Variants in SLC44A5 observed in about 807,000 individuals in gnomAD.
The protein encoded by SLC44A5 is choline transporter-like protein 5.
In SLC44A5, 57 loss-of-function variants were observed where a neutral mutation model predicts 101.8. The ratio of observed to expected loss-of-function variants is 0.56; its 90% CI spans 0.45 to 0.70. SLC44A5 has a LOEUF of 0.70. Among genes scored for constraint, SLC44A5 ranks in the 30% least tolerant of loss-of-function variants. The pLI, the probability that SLC44A5 is intolerant of heterozygous loss-of-function variation, is 0.00. For missense variants in SLC44A5, 737 were observed against 853.1 expected (o/e 0.86, Z 1.70); for synonymous variants, 281 against 290.9 (o/e 0.97, Z 0.35).
intron 17 of SLC44A5, 34 bp downstream of exon 17, chr1:75,218,456 A>T: frequency 6.2e-7 from 1 of 1,610,142 alleles, no homozygotes; most frequent in South Asian, 1.1e-5. Flanking sequence ...AATGTAACTG[A>T]CAAGATAGGT....
chr1:75,339,969 C>T (rs1312534782), intron 3 of SLC44A5, among the ~76,000 whole-genome samples: 1 of 152,234 alleles, frequency 6.6e-6, no homozygotes, highest in East Asian at 1.9e-4. Context: ...TACCATCTTC[C>T]ATCACCAAGT....
chr1:75,253,177 A>G (rs1649724832), intron 6 of SLC44A5, among the ~76,000 whole-genome samples: 1 of 152,160 alleles, frequency 6.6e-6, no homozygotes, highest in Non-Finnish European at 1.5e-5. Context: ...TTCTCTTTCC[A>G]TCCCTCACAG....
chr1:75,352,324 C>T (rs1313783455), intron 3 of SLC44A5, among the ~76,000 whole-genome samples: 1 of 152,036 alleles, frequency 6.6e-6, no homozygotes, highest in Non-Finnish European at 1.5e-5. Context: ...AGTCCAGCAT[C>T]CCTTAGCTAT....
chr1:75,246,723 A>G (rs1649138900), intron 7 of SLC44A5, among the ~76,000 whole-genome samples: 1 of 152,042 alleles, frequency 6.6e-6, no homozygotes, highest in African/African-American at 2.4e-5. Context: ...CTCACTAAGA[A>G]GGTAACATTT....
chr1:75,607,254 A>T (rs1675374737), intron 1 of SLC44A5, among the ~76,000 whole-genome samples: 1 of 152,026 alleles, frequency 6.6e-6, no homozygotes, highest in Non-Finnish European at 1.5e-5. Flanking sequence ...ACTGTGCATT[A>T]ATCCATCACT....
chr1:75,452,630 ATCTG>A (rs1665968823), intron 2 of SLC44A5, among the ~76,000 whole-genome samples: 1 of 152,212 alleles, frequency 6.6e-6, no homozygotes, highest in South Asian at 2.1e-4. Flanking sequence ...AACCAGACAC[ATCTG>A]TCTATTACCT....
intron 3 of SLC44A5, among the ~76,000 whole-genome samples, chr1:75,364,226 G>C (rs1659700068): frequency 6.6e-6 from 1 of 152,050 alleles, no homozygotes. Context: ...ACCTGAGACT[G>C]GGTAATTTAT....
chr1:75,539,104 C>T (rs1011431900), intron 2 of SLC44A5, among the ~76,000 whole-genome samples: 1 of 152,182 alleles, frequency 6.6e-6, no homozygotes, highest in African/African-American at 2.4e-5. Context: ...AGTCTATCCC[C>T]TGACGAATTC....
chr1:75,508,083 A>G (rs144840073), intron 2 of SLC44A5, among the ~76,000 whole-genome samples: 1 of 152,314 alleles, frequency 6.6e-6, no homozygotes, highest in Non-Finnish European at 1.5e-5. Flanking sequence ...TCATCTACAC[A>G]TGAAACATAC....
intron 3 of SLC44A5, among the ~76,000 whole-genome samples, chr1:75,340,913 G>C (rs961454698): frequency 6.6e-6 from 1 of 152,172 alleles, no homozygotes; most frequent in Non-Finnish European, 1.5e-5. Context: ...TGGTCCTAAT[G>C]GCATTTATCT....
intron 2 of SLC44A5, among the ~76,000 whole-genome samples, chr1:75,499,342 C>A (rs1668831767): frequency 6.6e-6 from 1 of 152,184 alleles, no homozygotes. Context: ...CTCGCACGTG[C>A]AGTTCACAAC....
chr1:75,206,599 G>A, intron 23 of SLC44A5: 1 of 1,541,980 alleles, frequency 6.5e-7, no homozygotes, highest in Non-Finnish European at 9.0e-7. Flanking sequence ...ACACTGTTTG[G>A]AGCTTTTCTA....
chr1:75,330,262 C>T (rs1235693768), intron 4 of SLC44A5, among the ~76,000 whole-genome samples: 2 of 151,558 alleles, frequency 1.3e-5, no homozygotes, highest in Non-Finnish European at 2.9e-5. Flanking sequence ...ATGTGTGCTG[C>T]ATATTTTCTC....
At chr1:75,642,152 A>T in the SLC44A5 span, 10 of 777,710 alleles carry the variant, frequency 1.3e-5, no homozygotes, top group South Asian at 1.7e-4. Context: ...GTAAATAAAT[A>T]GCATCAGAAG....
At chr1:75,243,885 G>A (rs111716843) in intron 7 of SLC44A5, among the ~76,000 whole-genome samples, 33 of 152,122 alleles carry the variant, frequency 2.2e-4, no homozygotes, top group African/African-American at 7.7e-4. Flanking sequence ...GATCCTCCTT[G>A]TTCTTGTGAT....
intron 1 of SLC44A5, among the ~76,000 whole-genome samples, chr1:75,604,217 A>C (rs1675185556): frequency 6.6e-6 from 1 of 152,054 alleles, no homozygotes; most frequent in Non-Finnish European, 1.5e-5. Flanking sequence ...GTCCAGTTTC[A>C]TTCTTCTGCA....
At chr1:75,240,146 C>T (rs1232177086) in intron 9 of SLC44A5, among the ~76,000 whole-genome samples, 5 of 152,062 alleles carry the variant, frequency 3.3e-5, no homozygotes, top group Non-Finnish European at 5.9e-5. Flanking sequence ...GTCCTTCCAC[C>T]TACAGTGTAC....
At chr1:75,472,698 T>C (rs1394851439) in intron 2 of SLC44A5, among the ~76,000 whole-genome samples, 1 of 152,172 alleles carries the variant, frequency 6.6e-6, no homozygotes, top group Non-Finnish European at 1.5e-5. Context: ...ATTCCCTCAC[T>C]GAAAGGTTAG....
rs1245447732 is a variant in SLC44A5, at chr1:75,202,235, C to T, written c.*1492G>A. The stretch of plus-strand genomic sequence containing the variant: ...AATTATCAAAGATATTTAGACAATA[C>T]GTTTCTAACATTTCTGCACAGCAGA... On this transcript the variant is annotated 3_prime_UTR_variant, in exon 24 of 24. Coordinates refer to ENST00000370859, the MANE Select transcript of SLC44A5 (RefSeq NM_001130058.2). 1 of 152,074 alleles carries T rather than the reference C, an allele frequency of 6.6e-6. No homozygotes were observed. The highest frequency in any genetic ancestry group is 1.9e-4 in the East Asian group (1 of 5,198). The allele number at this position is 152,074 out of a possible 1,614,324, so 9.4% of individuals were successfully genotyped here.
Sources: gnomAD v4.1 joint callset for allele counts (sites outside exome capture counted in the v4.1 genomes callset) on GRCh38, gnomAD v4.1.1 for gene constraint, MANE v1.5 for transcripts, NCBI Gene and HGNC (gene_info 2026-07-23, HGNC 2026-07-21) for gene names.